MAD1L1: variants seen among roughly 807,000 people sequenced by gnomAD.
MAD1L1 encodes the protein mitotic spindle assembly checkpoint protein MAD1.
MAD1L1 carries 95 observed loss-of-function variants against 96.9 expected under a neutral mutation model. The observed-to-expected ratio is 0.98, with a 90% CI of 0.83 to 1.16. The LOEUF (loss-of-function observed/expected upper bound fraction) is 1.16. Among genes scored for constraint, MAD1L1 ranks in the 50% most tolerant of loss-of-function variants. The pLI is 0.00. For missense variants in MAD1L1, 1,007 were observed against 954.4 expected (o/e 1.06, Z -0.73); for synonymous variants, 473 against 396.6 (o/e 1.19, Z -2.29).
chr7:2,173,665 C>G (rs756439866), intron 10 of MAD1L1, among the ~76,000 whole-genome samples: 8 of 152,228 alleles, frequency 5.3e-5, no homozygotes, highest in South Asian at 2.1e-4. Flanking sequence ...TGCCCGGGCA[C>G]AGGCATCATC....
intron 11 of MAD1L1, among the ~76,000 whole-genome samples, chr7:2,092,220 T>C (rs1007606187): frequency 6.6e-6 from 1 of 152,194 alleles, no homozygotes; most frequent in African/African-American, 2.4e-5. Context: ...TTGTACTAAT[T>C]TGCAATCCCC....
Position 1,869,194 on chromosome 7 carries a change from C to T in MAD1L1, c.1998+29006G>A, listed in dbSNP as rs116462619. Among the ~76,000 whole-genome samples, 1,109 of 152,228 alleles carry T rather than the reference C, an allele frequency of 7.3e-3. 13 individuals carry two copies. Among genetic ancestry groups the T allele is most frequent in the African/African-American group, 0.025 (1,047 of 41,528 alleles). ...GGTTGGGTCTCAAGGAGAAGGCACACACGCTGCTGTGGGGGCCACAGAGGC... is the reference window on the plus strand; with the variant it reads ...GGTTGGGTCTCAAGGAGAAGGCACATACGCTGCTGTGGGGGCCACAGAGGC... On this transcript the variant is annotated intron_variant, in intron 18 of 18. Transcript: ENST00000265854.
intron 12 of MAD1L1, among the ~76,000 whole-genome samples, chr7:2,037,844 C>A (rs959729808): frequency 2.0e-5 from 3 of 152,068 alleles, no homozygotes; most frequent in Admixed American, 6.5e-5. Flanking sequence ...AATTAATAAC[C>A]CTACAACAGC....
chr7:2,162,946 G>T (rs1357786360), intron 10 of MAD1L1, among the ~76,000 whole-genome samples: 2 of 151,814 alleles, frequency 1.3e-5, no homozygotes, highest in African/African-American at 2.4e-5. Context: ...CTTTAAAGTG[G>T]ATCCCTGTCA....
At chr7:2,168,854 T>C (rs1258058259) in intron 10 of MAD1L1, among the ~76,000 whole-genome samples, 3 of 152,180 alleles carry the variant, frequency 2.0e-5, no homozygotes, top group Non-Finnish European at 4.4e-5. Flanking sequence ...TCAGGTTTTA[T>C]TCCGAGTGTG....
At chr7:1,888,536 CTGTGCGTG>C (rs1786319808) in intron 18 of MAD1L1, among the ~76,000 whole-genome samples, 1 of 99,306 alleles carries the variant, frequency 1.0e-5, no homozygotes, top group South Asian at 3.7e-4. Context: ...GTGTGGTTGC[CTGTGCGTG>C]TGTGTGAGCA....
At chr7:2,052,453 C>T (rs1049851987) in intron 12 of MAD1L1, among the ~76,000 whole-genome samples, 5 of 149,718 alleles carry the variant, frequency 3.3e-5, no homozygotes, top group East Asian at 3.9e-4. Flanking sequence ...GCAGGGAGGG[C>T]GCCGGACAGC....
intron 3 of MAD1L1, among the ~76,000 whole-genome samples, chr7:2,226,237 G>A (rs1047008567): frequency 6.6e-6 from 1 of 152,220 alleles, no homozygotes; most frequent in Non-Finnish European, 1.5e-5. Context: ...AATTACATCT[G>A]CACAATCCCA....
At chr7:2,049,189 G>A (rs1784060334) in intron 12 of MAD1L1, among the ~76,000 whole-genome samples, 2 of 152,246 alleles carry the variant, frequency 1.3e-5, no homozygotes, top group Non-Finnish European at 2.9e-5. Flanking sequence ...AAGGCAAAGA[G>A]AGGGAAAGGG....
At chr7:1,867,131 G>A (rs1784813238) in intron 18 of MAD1L1, among the ~76,000 whole-genome samples, 1 of 152,224 alleles carries the variant, frequency 6.6e-6, no homozygotes, top group African/African-American at 2.4e-5. Context: ...GTGGGAGACA[G>A]AGGCAGGCAG....
At chr7:2,044,334 C>G (rs78101233) in intron 12 of MAD1L1, among the ~76,000 whole-genome samples, 1,580 of 152,316 alleles carry the variant, frequency 0.01, 26 homozygotes, top group African/African-American at 0.037. Flanking sequence ...ACACAGCCAG[C>G]ACCTGGGACC....
chr7:2,149,692 G>T (rs920877786), intron 10 of MAD1L1, among the ~76,000 whole-genome samples: 1 of 152,198 alleles, frequency 6.6e-6, no homozygotes, highest in Non-Finnish European at 1.5e-5. Flanking sequence ...GACGATTCCA[G>T]ATTGTCTCAG....
chr7:2,098,091 G>A (rs538384569), intron 11 of MAD1L1, among the ~76,000 whole-genome samples: 32 of 152,318 alleles, frequency 2.1e-4, no homozygotes, highest in African/African-American at 6.0e-4. Flanking sequence ...CTGTCTTCTC[G>A]GGGCACAGAG....
intron 6 of MAD1L1, among the ~76,000 whole-genome samples, chr7:2,218,769 G>C (rs1302886177): frequency 6.6e-6 from 1 of 151,968 alleles, no homozygotes; most frequent in East Asian, 1.9e-4. Flanking sequence ...AATTAGCCAG[G>C]TGCAAAACTA....
At chr7:2,106,213 A>C (rs1414091484) in intron 11 of MAD1L1, among the ~76,000 whole-genome samples, 1 of 151,630 alleles carries the variant, frequency 6.6e-6, no homozygotes, top group East Asian at 1.9e-4. Context: ...GCACATCGGC[A>C]GCACCCCTCC....
intron 8 of MAD1L1, 30 bp downstream of exon 8, chr7:2,216,127 G>A: frequency 1.9e-6 from 3 of 1,609,562 alleles, no homozygotes; most frequent in South Asian, 1.1e-5. Context: ...CTCACTCGAG[G>A]CGGCTGCCCC....
intron 7 of MAD1L1, among the ~76,000 whole-genome samples, chr7:2,216,505 G>C (rs1793290769): frequency 6.6e-6 from 1 of 152,182 alleles, no homozygotes; most frequent in Non-Finnish European, 1.5e-5. Flanking sequence ...TTTTTAGGCA[G>C]TAAAACTTTT....
At chr7:1,823,882 G>A (rs922565727) in intron 18 of MAD1L1, among the ~76,000 whole-genome samples, 7 of 151,408 alleles carry the variant, frequency 4.6e-5, no homozygotes, top group Non-Finnish European at 8.9e-5. Context: ...CCAGGCGCCT[G>A]CTTCCCTGAA....
At chr7:2,039,153 C>G (rs1783570318) in intron 12 of MAD1L1, among the ~76,000 whole-genome samples, 1 of 152,326 alleles carries the variant, frequency 6.6e-6, no homozygotes, top group East Asian at 1.9e-4. Flanking sequence ...GGGCTCTTCG[C>G]TCCGCTAAAC....
Sources: gnomAD v4.1 joint callset for allele counts (sites outside exome capture counted in the v4.1 genomes callset) on GRCh38, gnomAD v4.1.1 for gene constraint, MANE v1.5 for transcripts, NCBI Gene and HGNC (gene_info 2026-07-23, HGNC 2026-07-21) for gene names.